Variants in BTN3A1 observed in about 807,000 individuals in gnomAD.
BTN3A1 encodes the protein butyrophilin subfamily 3 member A1, also known as dJ45P21.3 (butyrophilin, subfamily 3, member A1).
BTN3A1 carries 24 observed loss-of-function variants against 43.0 expected under a neutral mutation model. The ratio of observed to expected loss-of-function variants is 0.56; its 90% CI spans 0.40 to 0.78. The LOEUF is 0.78. Ranked by LOEUF, BTN3A1 falls within the 30% of genes least tolerant of loss-of-function variation. The pLI, the probability that BTN3A1 is intolerant of heterozygous loss-of-function variation, is 0.00. For missense variants in BTN3A1, 533 were observed against 626.2 expected, an observed-to-expected ratio of 0.85 and a Z score of 1.59; for synonymous variants, 181 against 234.7, an observed-to-expected ratio of 0.77 and a Z score of 2.09.
chr6:26,405,754 G>A (rs1425254551), intron 2 of BTN3A1, 106 bp downstream of exon 2: 1 of 1,580,582 alleles, frequency 6.3e-7, no homozygotes, highest in Non-Finnish European at 8.7e-7. Context: ...CGATCTGAAG[G>A]TTCACCCGTC....
intron 7 of BTN3A1, 86 bp from the exon 8 acceptor site, chr6:26,411,023 A>AAAAAAT: frequency 9.9e-7 from 1 of 1,013,024 alleles, no homozygotes; most frequent in Non-Finnish European, 1.4e-6. Flanking sequence ...AAAAAAAAAA[A>AAAAAAT]GATTAGATGG....
At chr6:26,411,604 C>A in intron 9 of BTN3A1, 23 bp downstream of exon 9, 1 of 1,608,978 alleles carries the variant, frequency 6.2e-7, no homozygotes, top group Non-Finnish European at 8.5e-7. Flanking sequence ...CTGTGTGTTC[C>A]CTGGACCAAC....
chr6:26,407,605 G>T (rs1278657948), intron 3 of BTN3A1, 66 bp from the exon 4 acceptor site: 3 of 1,542,826 alleles, frequency 1.9e-6, no homozygotes, highest in Admixed American at 3.6e-5. Flanking sequence ...AGTGTGCCAT[G>T]ATTCCTTTTG....
rs1018897056 is a variant in BTN3A1, at chr6:26,407,666, C to T, written c.434-5C>T. On this transcript the variant is annotated splice_polypyrimidine_tract_variant and splice_region_variant and intron_variant, in intron 3 of 9. Coordinates refer to ENST00000289361, the MANE Select transcript of BTN3A1 (RefSeq NM_007048.6). Reference sequence around the variant, plus strand: ...AAGAATTTAGGCTAATTCATCCTTCCACAGCACTGGGTTCTGATCTTCACG... The same window carrying T: ...AAGAATTTAGGCTAATTCATCCTTCTACAGCACTGGGTTCTGATCTTCACG... The T allele has an allele frequency of 3.1e-6, 5 of 1,613,224 alleles. No homozygotes were observed. In the African/African-American group the frequency reaches 6.7e-5, roughly 22 times the overall value.
chr6:26,411,761 C>T (rs957741258), intron 9 of BTN3A1, 180 bp downstream of exon 9: 102 of 712,294 alleles, frequency 1.4e-4, no homozygotes, highest in Non-Finnish European at 2.2e-4. Flanking sequence ...ACCCTTTCTG[C>T]TGAGAGCCCA....
Position 26,414,119 on chromosome 6 carries a change from C to T in BTN3A1, c.*427C>T. ...CTGTGTTATGAGCTTTGGTGGATGT[C>T]ACTCCTTTAATCCTCGCAACACCCT... On this transcript the variant is annotated 3_prime_UTR_variant, in exon 10 of 10. Coordinates refer to ENST00000289361, the MANE Select transcript of BTN3A1 (RefSeq NM_007048.6). The T allele has an allele frequency of 4.1e-6, 1 of 241,218 alleles. No individual in the cohort carries two copies. Among genetic ancestry groups the T allele is most frequent in the Non-Finnish European group, 8.2e-6 (1 of 121,846 alleles). 14.9% of individuals were successfully genotyped at this position (241,218 alleles called of 1,614,324 possible).
At chr6:26,413,110 G>A (rs2113811376) in intron 9 of BTN3A1, 59 bp from the exon 10 acceptor site, 1 of 1,560,134 alleles carries the variant, frequency 6.4e-7, no homozygotes, top group Non-Finnish European at 8.7e-7. Flanking sequence ...TGCATGCTGA[G>A]GCTCTGAAAT....
Position 26,405,663 on chromosome 6 carries a change from C to T in BTN3A1, c.85+15C>T. 6.2e-7 allele frequency: 1 copy of T among 1,613,614 alleles called. No individual in the cohort carries two copies. The highest frequency in any genetic ancestry group is 8.5e-7 in the Non-Finnish European group (1 of 1,179,524). On this transcript the variant is annotated intron_variant, in intron 2 of 9. Transcript: ENST00000289361. ...GCCTCACTCAGGTAGGGAACAATTC[C>T]ACGCTTGTTTCTGAAGCAGACAATT...
Position 26,409,565 on chromosome 6 carries a change from G to A in BTN3A1, c.748G>A (p.Ala250Thr). ...CTTCAGGAGCGCCCAGAGGTGGATC[G>A]CCGCCCTGGCAGGGACCCTGCCTGT... ...PFFRSAQRWI[A>T]ALAGTLPVLL... The change falls in exon 5 of 10, where the codon GCC becomes ACC. Residue 250 changes from alanine (A) to threonine (T), a missense_variant. Transcript: ENST00000289361. 1 of 1,613,954 alleles carries A rather than the reference G, an allele frequency of 6.2e-7. No homozygotes were observed. The highest frequency in any genetic ancestry group is 1.1e-5 in the South Asian group (1 of 91,054).
chr6:26,408,091 G>T (rs1237087841), intron 4 of BTN3A1, 139 bp downstream of exon 4: 2 of 1,345,014 alleles, frequency 1.5e-6, no homozygotes, highest in Non-Finnish European at 1.0e-6. Context: ...GCTCCTCCTT[G>T]CACCGGGGGA....
chr6:26,411,454 C>A, intron 8 of BTN3A1, 101 bp from the exon 9 acceptor site: 1 of 1,421,108 alleles, frequency 7.0e-7, no homozygotes, highest in Non-Finnish European at 9.8e-7. Flanking sequence ...CTGGAAGAGA[C>A]TCTGAAGAAA....
rs1252996522 is a variant in BTN3A1 at position 26,407,964 on chromosome 6, C to A, written c.715+12C>A. The A allele has an allele frequency of 2.5e-5, 41 of 1,612,804 alleles. No homozygotes were observed. Among genetic ancestry groups the A allele is most frequent in the Non-Finnish European group, 3.5e-5 (41 of 1,178,944 alleles). The stretch of plus-strand genomic sequence containing the variant: ...CATTTCCATCGCAGGTCAGTACCTG[C>A]TTGGCCTCAGGTTTTCTGAGCTGGG... On this transcript the variant is annotated intron_variant, in intron 4 of 9. Transcript: ENST00000289361.
chr6:26,405,857 C>T, intron 2 of BTN3A1, 52 bp from the exon 3 acceptor site: 1 of 1,612,982 alleles, frequency 6.2e-7, no homozygotes, highest in Non-Finnish European at 8.5e-7. Context: ...CCCTTCCTCT[C>T]ATGACCCCAA....
chr6:26,411,046 G>C, intron 7 of BTN3A1, 63 bp from the exon 8 acceptor site: 5 of 1,341,630 alleles, frequency 3.7e-6, no homozygotes, highest in Non-Finnish European at 1.0e-6. Flanking sequence ...GTAAAGTTAA[G>C]GGAATGGGGC....
intron 9 of BTN3A1, 193 bp from the exon 10 acceptor site, chr6:26,412,976 C>T: frequency 6.9e-7 from 1 of 1,458,682 alleles, no homozygotes; most frequent in Non-Finnish European, 9.0e-7. Context: ...CTCCTCTTCC[C>T]CTCTGGACAC....
chr6:26,412,988 A>C (rs1762271198), intron 9 of BTN3A1, 181 bp from the exon 10 acceptor site: 4 of 1,460,268 alleles, frequency 2.7e-6, no homozygotes, highest in Non-Finnish European at 3.6e-6. Flanking sequence ...TCTGGACACA[A>C]GATACCTGAT....
chr6:26,412,966 C>T, intron 9 of BTN3A1: 1 of 1,457,998 alleles, frequency 6.9e-7, no homozygotes, highest in Non-Finnish European at 9.0e-7. Flanking sequence ...TCATTTCACC[C>T]TCCTCTTCCC....
intron 1 of BTN3A1, 57 bp from the exon 2 acceptor site, chr6:26,405,315 G>A: frequency 1.7e-6 from 1 of 585,630 alleles, no homozygotes; most frequent in Non-Finnish European, 3.0e-6. Flanking sequence ...AAACAGTACA[G>A]TGAGGATTTT....
intron 7 of BTN3A1, 39 bp from the exon 8 acceptor site, chr6:26,411,070 G>A: frequency 6.4e-7 from 1 of 1,564,500 alleles, no homozygotes; most frequent in South Asian, 1.2e-5. Context: ...ATCAAAAATG[G>A]CAAGTTCAGG....
Sources: allele counts gnomAD v4.1 joint callset, GRCh38; gene constraint gnomAD v4.1.1; transcripts MANE v1.5; gene names NCBI Gene and HGNC (gene_info 2026-07-23, HGNC 2026-07-21).